The following ARHGAP10 variants were observed in gnomAD, a reference collection of about 807,000 sequenced individuals.
The protein encoded by ARHGAP10 is Rho GTPase activating protein 10.
ARHGAP10 carries 87 observed loss-of-function variants against 108.6 expected under a neutral mutation model. The observed-to-expected ratio is 0.80, with a 90% confidence interval of 0.67 to 0.96. The LOEUF is 0.96. Among genes scored for constraint, ARHGAP10 ranks in the 40% least tolerant of loss-of-function variants. The pLI is 0.00. For missense variants in ARHGAP10, 939 were observed against 954.5 expected (o/e 0.98, Z 0.21); for synonymous variants, 347 against 341.1 (o/e 1.02, Z -0.19).
At chr4:147,806,239 G>A (rs1731779346) in intron 1 of ARHGAP10, among the ~76,000 whole-genome samples, 2 of 152,000 alleles carry the variant, frequency 1.3e-5, no homozygotes, top group Admixed American at 6.6e-5. Flanking sequence ...CTCTAAATTT[G>A]TCTAAATCGG....
chr4:147,972,426 A>G (rs1370769791), intron 18 of ARHGAP10, among the ~76,000 whole-genome samples: 1 of 152,078 alleles, frequency 6.6e-6, no homozygotes, highest in African/African-American at 2.4e-5. Context: ...CATCTGAGAG[A>G]AGTGAGGGGT....
At chr4:148,038,854 C>A (rs562696747) in intron 19 of ARHGAP10, among the ~76,000 whole-genome samples, 1 of 152,264 alleles carries the variant, frequency 6.6e-6, no homozygotes, top group East Asian at 1.9e-4. Flanking sequence ...AATTTTGATA[C>A]AATTGCTGCC....
At chr4:147,938,492 G>T (rs769638266) in intron 13 of ARHGAP10, among the ~76,000 whole-genome samples, 1 of 152,194 alleles carries the variant, frequency 6.6e-6, no homozygotes, top group Non-Finnish European at 1.5e-5. Context: ...TGTAGGACAT[G>T]TGTTAGTATC....
intron 12 of ARHGAP10, among the ~76,000 whole-genome samples, chr4:147,912,351 C>T (rs1199903786): frequency 6.6e-6 from 1 of 151,124 alleles, no homozygotes; most frequent in East Asian, 1.9e-4. Context: ...ACCAGCCTGG[C>T]CAACATGGTG....
intron 16 of ARHGAP10, among the ~76,000 whole-genome samples, chr4:147,960,975 T>A (rs1738968500): frequency 1.3e-5 from 2 of 152,250 alleles, no homozygotes; most frequent in African/African-American, 2.4e-5. Context: ...TTGGGTTGTT[T>A]CCAGTTTTGG....
intron 18 of ARHGAP10, among the ~76,000 whole-genome samples, chr4:147,978,572 C>T (rs903981312): frequency 6.6e-6 from 1 of 152,278 alleles, no homozygotes; most frequent in African/African-American, 2.4e-5. Flanking sequence ...CTTGCTTGCT[C>T]ACTCTCTCCT....
At chr4:147,992,894 T>C (rs1294477437) in intron 18 of ARHGAP10, among the ~76,000 whole-genome samples, 1 of 152,174 alleles carries the variant, frequency 6.6e-6, no homozygotes, top group Non-Finnish European at 1.5e-5. Flanking sequence ...TTTGCGATGC[T>C]CTGGTATTCA....
intron 18 of ARHGAP10, among the ~76,000 whole-genome samples, chr4:147,978,015 A>G (rs1739663852): frequency 1.3e-5 from 2 of 152,206 alleles, no homozygotes; most frequent in African/African-American, 2.4e-5. Context: ...TTGTTGCTGC[A>G]TAGTATTCCG....
intron 10 of ARHGAP10, among the ~76,000 whole-genome samples, chr4:147,906,199 AT>A: frequency 6.6e-6 from 1 of 152,338 alleles, no homozygotes; most frequent in East Asian, 1.9e-4. Flanking sequence ...ACCTGAAAGA[AT>A]TGAAAGCAGG....
At chr4:147,780,211 C>G (rs180671966) in intron 1 of ARHGAP10, among the ~76,000 whole-genome samples, 1 of 152,252 alleles carries the variant, frequency 6.6e-6, no homozygotes, top group Admixed American at 6.5e-5. Context: ...TTTCACTTCC[C>G]CTTTTCTGTG....
chr4:147,985,770 G>A (rs902499038), intron 18 of ARHGAP10, among the ~76,000 whole-genome samples: 4 of 152,170 alleles, frequency 2.6e-5, no homozygotes, highest in Admixed American at 2.0e-4. Context: ...CAGTGTGTCC[G>A]TCTCAGCGTC....
chr4:147,979,029 G>C (rs926213644), intron 18 of ARHGAP10, among the ~76,000 whole-genome samples: 12 of 152,122 alleles, frequency 7.9e-5, no homozygotes, highest in Admixed American at 7.2e-4. Flanking sequence ...TCTGTTGAGA[G>C]TTTCTTTTGC....
intron 3 of ARHGAP10, among the ~76,000 whole-genome samples, chr4:147,832,862 C>A (rs1266925124): frequency 6.6e-6 from 1 of 152,060 alleles, no homozygotes; most frequent in Non-Finnish European, 1.5e-5. Context: ...TGCTATCCAC[C>A]AGGCAGCAGT....
At chr4:147,787,394 G>C (rs1396635405) in intron 1 of ARHGAP10, among the ~76,000 whole-genome samples, 3 of 152,076 alleles carry the variant, frequency 2.0e-5, no homozygotes, top group African/African-American at 7.2e-5. Context: ...AGGGGGAGAA[G>C]ATGAAGCTCA....
chr4:147,880,157 A>C (rs936802759), intron 9 of ARHGAP10, among the ~76,000 whole-genome samples: 3 of 152,246 alleles, frequency 2.0e-5, no homozygotes, highest in African/African-American at 4.8e-5. Context: ...TTATTACAAT[A>C]ATTAATGGCC....
At chr4:148,021,942 C>G (rs559447141) in intron 18 of ARHGAP10, among the ~76,000 whole-genome samples, 2 of 152,304 alleles carry the variant, frequency 1.3e-5, no homozygotes, top group African/African-American at 4.8e-5. Flanking sequence ...GACTATAAAG[C>G]AAATGCTGTC....
intron 1 of ARHGAP10, among the ~76,000 whole-genome samples, chr4:147,819,989 A>G (rs1395241993): frequency 6.6e-6 from 1 of 152,182 alleles, no homozygotes; most frequent in Non-Finnish European, 1.5e-5. Flanking sequence ...TATTGACTAA[A>G]TAAGTTTGGG....
At chr4:147,775,408 A>C (rs12648074) in intron 1 of ARHGAP10, among the ~76,000 whole-genome samples, 1 of 152,110 alleles carries the variant, frequency 6.6e-6, no homozygotes, top group Admixed American at 6.5e-5. Context: ...AGAGGCTGCT[A>C]GGAGAAAGCA....
At chr4:147,857,524 T>C in intron 4 of ARHGAP10, 29 bp from the exon 5 acceptor site, 1 of 1,407,316 alleles carries the variant, frequency 7.1e-7, no homozygotes, top group Non-Finnish European at 9.3e-7. Flanking sequence ...TTTGTTTCTG[T>C]TTAATCATAG....
Sources: allele counts gnomAD v4.1 joint callset (sites outside exome capture counted in the v4.1 genomes callset), GRCh38; gene constraint gnomAD v4.1.1; transcripts MANE v1.5; gene names NCBI Gene and HGNC (gene_info 2026-07-23, HGNC 2026-07-21).